The following PACRG variants were observed in gnomAD, a reference collection of about 807,000 sequenced individuals.
The protein encoded by PACRG is parkin coregulated, also known as parkin coregulated gene protein.
PACRG carries 29 observed loss-of-function variants against 29.7 expected under a neutral mutation model. That is an observed-to-expected ratio of 0.98 (90% CI 0.73 to 1.33). The LOEUF is 1.33. Among genes scored for constraint, PACRG ranks in the 40% most tolerant of loss-of-function variants. PACRG has a pLI of 0.00. For missense variants in PACRG, 279 were observed against 316.2 expected, an observed-to-expected ratio of 0.88 and a Z score of 0.89; for synonymous variants, 116 against 118.7, an observed-to-expected ratio of 0.98 and a Z score of 0.15.
intron 2 of PACRG, among the ~76,000 whole-genome samples, chr6:163,008,652 T>C (rs1385924862): frequency 6.8e-6 from 1 of 147,694 alleles, no homozygotes; most frequent in African/African-American, 2.5e-5. Context: ...GGAACTTTAT[T>C]CTCGCCATCC....
At chr6:162,741,945 A>G (rs1440168642) in intron 1 of PACRG, among the ~76,000 whole-genome samples, 1 of 152,202 alleles carries the variant, frequency 6.6e-6, no homozygotes, top group Non-Finnish European at 1.5e-5. Flanking sequence ...GTGATTTTCA[A>G]GAATGCAATT....
intron 4 of PACRG, among the ~76,000 whole-genome samples, chr6:163,269,967 G>GAAAGAAAACAAAC (rs1554238030): frequency 3.6e-5 from 2 of 56,118 alleles, no homozygotes; most frequent in African/African-American, 1.4e-4. Context: ...AAGAAAGAAA[G>GAAAGAAAACAAAC]AAAGAAAGAA....
chr6:163,009,480 T>C (rs1261974190), intron 2 of PACRG, among the ~76,000 whole-genome samples: 1 of 152,222 alleles, frequency 6.6e-6, no homozygotes, highest in Non-Finnish European at 1.5e-5. Context: ...TCATTACACT[T>C]AATGATTTCA....
chr6:163,128,790 T>C (rs1009801558), intron 4 of PACRG, among the ~76,000 whole-genome samples: 3 of 152,180 alleles, frequency 2.0e-5, no homozygotes, highest in African/African-American at 7.2e-5. Context: ...TAAATAAAGA[T>C]TTGGAATCCA....
At chr6:163,155,962 C>A (rs926302229) in intron 4 of PACRG, among the ~76,000 whole-genome samples, 7 of 152,258 alleles carry the variant, frequency 4.6e-5, no homozygotes. Context: ...CCAAATTCAT[C>A]CTTCAGGATT....
At chr6:163,119,751 G>C (rs568805116) in intron 4 of PACRG, among the ~76,000 whole-genome samples, 21 of 152,274 alleles carry the variant, frequency 1.4e-4, no homozygotes, top group African/African-American at 4.8e-4. Flanking sequence ...AGTGAGAATA[G>C]GAGGGTCAAG....
At chr6:162,934,645 A>G (rs1049132356) in intron 2 of PACRG, among the ~76,000 whole-genome samples, 3 of 151,968 alleles carry the variant, frequency 2.0e-5, no homozygotes, top group Non-Finnish European at 2.9e-5. Context: ...ATTATTTTGT[A>G]TATCCTTTGT....
Position 162,814,244 on chromosome 6 carries a change from T to G in PACRG, c.254T>G (p.Leu85Arg). The G allele has an allele frequency of 6.2e-7, 1 of 1,613,826 alleles. No individual in the cohort carries two copies. Among genetic ancestry groups the G allele is most frequent in the East Asian group, 2.2e-5 (1 of 44,878 alleles). Reference protein sequence around the residue: ...FYERGDFPIALEHDSKGNKIA... With the variant: ...FYERGDFPIAREHDSKGNKIA... Reference sequence around the variant, plus strand: ...GAGCGAGGTGACTTCCCAATTGCCCTTGAGCATGATTCGAAAGGAAACAAA... The same window carrying G: ...GAGCGAGGTGACTTCCCAATTGCCCGTGAGCATGATTCGAAAGGAAACAAA... The change falls in exon 2 of 5, where the codon CTT becomes CGT. Residue 85 changes from leucine (L) to arginine (R), a missense_variant. Physicochemically the swap from Leu to Arg is moderately radical, Grantham distance 102. Transcript: ENST00000366888.
At chr6:162,897,999 C>G (rs1211441826) in intron 2 of PACRG, among the ~76,000 whole-genome samples, 1 of 152,192 alleles carries the variant, frequency 6.6e-6, no homozygotes, top group Non-Finnish European at 1.5e-5. Context: ...GCTAGCTCCA[C>G]GTTCCCCTGT....
intron 2 of PACRG, among the ~76,000 whole-genome samples, chr6:162,973,053 T>C (rs1366751060): frequency 6.6e-6 from 1 of 152,234 alleles, no homozygotes; most frequent in East Asian, 1.9e-4. Flanking sequence ...CTTTTAAAAC[T>C]GTAACATCAG....
At chr6:163,228,746 CA>C (rs1781908147) in intron 4 of PACRG, among the ~76,000 whole-genome samples, 1 of 152,198 alleles carries the variant, frequency 6.6e-6, no homozygotes, top group Admixed American at 6.5e-5. Flanking sequence ...GGAATAAATG[CA>C]GACTGGAGTG....
At chr6:162,997,637 C>G (rs1804196454) in intron 2 of PACRG, 1 of 249,860 alleles carries the variant, frequency 4.0e-6, no homozygotes, top group Non-Finnish European at 8.0e-6. Flanking sequence ...GAGAGACCTT[C>G]AGATAAACTC....
At chr6:162,936,648 A>G (rs1798251531) in intron 2 of PACRG, among the ~76,000 whole-genome samples, 1 of 152,140 alleles carries the variant, frequency 6.6e-6, no homozygotes, top group African/African-American at 2.4e-5. Flanking sequence ...TTATAATTTT[A>G]TATTTTAATT....
intron 4 of PACRG, among the ~76,000 whole-genome samples, chr6:163,207,030 TTTTA>T (rs1430779239): frequency 6.6e-6 from 1 of 152,216 alleles, no homozygotes; most frequent in African/African-American, 2.4e-5. Flanking sequence ...TTCGCTAGGA[TTTTA>T]TTTCTTTTCT....
chr6:162,966,952 T>C (rs1312382005), intron 2 of PACRG, among the ~76,000 whole-genome samples: 1 of 152,162 alleles, frequency 6.6e-6, no homozygotes, highest in Non-Finnish European at 1.5e-5. Flanking sequence ...ATTATATGGA[T>C]ATTACACAGT....
chr6:162,749,239 A>G (rs1485430944), intron 1 of PACRG, among the ~76,000 whole-genome samples: 1 of 152,206 alleles, frequency 6.6e-6, no homozygotes, highest in Non-Finnish European at 1.5e-5. Context: ...TTGTTGTACA[A>G]GTATTTGCAT....
chr6:162,867,836 G>A (rs1177162968), intron 2 of PACRG, among the ~76,000 whole-genome samples: 1 of 152,102 alleles, frequency 6.6e-6, no homozygotes, highest in East Asian at 1.9e-4. Flanking sequence ...GTCCTAGAAG[G>A]CAGCGTCGTA....
intron 4 of PACRG, among the ~76,000 whole-genome samples, chr6:163,164,905 C>T (rs1017976897): frequency 6.6e-6 from 1 of 152,172 alleles, no homozygotes; most frequent in Non-Finnish European, 1.5e-5. Flanking sequence ...TAAAGTCATG[C>T]ATGCTCAGGG....
chr6:163,265,498 A>T (rs1010614831), intron 4 of PACRG, among the ~76,000 whole-genome samples: 4 of 152,198 alleles, frequency 2.6e-5, no homozygotes, highest in Admixed American at 1.3e-4. Context: ...GGATAATATT[A>T]ATTACTACCT....
Sources: allele counts gnomAD v4.1 joint callset (sites outside exome capture counted in the v4.1 genomes callset), GRCh38; gene constraint gnomAD v4.1.1; transcripts MANE v1.5; gene names NCBI Gene and HGNC (gene_info 2026-07-23, HGNC 2026-07-21).